Variants in ADGRG2 observed in about 807,000 individuals in gnomAD.
The protein encoded by ADGRG2 is adhesion G protein-coupled receptor G2, also known as G protein-coupled receptor 64.
Under a neutral mutation model 74.1 loss-of-function variants are expected in ADGRG2, and 26 were observed. That is an observed-to-expected ratio of 0.35 (90% CI 0.26 to 0.49). The LOEUF is 0.49. Among genes scored for constraint, ADGRG2 ranks in the 20% least tolerant of loss-of-function variants. ADGRG2 has a pLI of 0.99. For missense variants in ADGRG2, 619 were observed against 763.1 expected (o/e 0.81, Z 2.22); for synonymous variants, 296 against 295.2 (o/e 1.00, Z -0.03).
intron 2 of ADGRG2, among the ~76,000 whole-genome samples, chrX:19,075,030 G>A (rs1569127500): frequency 9.0e-6 from 1 of 110,686 alleles, no homozygotes; most frequent in Non-Finnish European, 1.9e-5. Context: ...TTTCAAATAT[G>A]ACATATGAAA....
chrX:19,022,586 C>T (rs1354165278), intron 13 of ADGRG2, among the ~76,000 whole-genome samples: 1 of 111,789 alleles, frequency 8.9e-6, no homozygotes, highest in Non-Finnish European at 1.9e-5. Context: ...GCCAGGATAG[C>T]CAATGGACAC....
At chrX:19,086,074 C>T (rs1162469824) in intron 1 of ADGRG2, among the ~76,000 whole-genome samples, 1 of 111,681 alleles carries the variant, frequency 9.0e-6, no homozygotes, top group East Asian at 2.8e-4. Flanking sequence ...AAGGCCTCAA[C>T]TTCATTAAAG....
rs58217405 is a variant in ADGRG2, at chrX:19,008,225, A to ATT, written c.1423-104_1423-103dup. ...TGCAAAAGTAATTGCAGTATGTGCC[A>ATT]TTTTTTTTTTAAAAAAAGATAAAAA... On this transcript the variant is annotated intron_variant, in intron 18 of 28. Coordinates refer to ENST00000379869, the MANE Select transcript of ADGRG2 (RefSeq NM_001079858.3). 1,244 of 492,151 alleles carry ATT rather than the reference A, an allele frequency of 2.5e-3. 9 individuals are homozygous for ATT. The highest frequency in any genetic ancestry group is 0.024 in the African/African-American group (910 of 38,697). The allele number at this position is 492,151 out of a possible 1,213,427, so 40.6% of individuals were successfully genotyped here. A position where few individuals can be genotyped will look rare whatever the true frequency, so the allele number is the denominator to read the frequency against.
At chrX:19,118,966 T>G (rs1471309940) in intron 1 of ADGRG2, among the ~76,000 whole-genome samples, 2 of 111,681 alleles carry the variant, frequency 1.8e-5, no homozygotes, top group Non-Finnish European at 3.8e-5. Flanking sequence ...CATAAGTTCT[T>G]TTACAGGACA....
At chrX:18,996,499 C>A (rs962765242) in intron 26 of ADGRG2, among the ~76,000 whole-genome samples, 9 of 110,735 alleles carry the variant, frequency 8.1e-5, no homozygotes, top group African/African-American at 3.0e-4. Flanking sequence ...TGGACTTAGG[C>A]TCCTGCCTCT....
At position 18,994,911 on chromosome X, in the gene ADGRG2, G is replaced by A; in HGVS notation, c.2854C>T (p.His952Tyr). 8.3e-7 allele frequency: 1 copy of A among 1,202,034 alleles called. No homozygotes were observed. The highest frequency in any genetic ancestry group is 2.3e-4 in the Middle Eastern group (1 of 4,307). Residue 952 changes from histidine to tyrosine, a missense_variant, in exon 28 of 29, where the codon CAC (histidine) becomes TAC (tyrosine). By Grantham distance (83) the His-to-Tyr change is moderately conservative. Around this residue, in one of 3 missense-constraint regions of ADGRG2, gnomAD observed 106 missense variants for 104.5 expected, o/e 1.01. Transcript: ENST00000379869. Reference protein sequence around the residue: ...TLLVNNDCSVHASGNGNASTE... With the variant: ...TLLVNNDCSVYASGNGNASTE... ...ACATACATACCATTCCCGCTTGCGT[G>A]TACTGAGCAATCATTATTCACTAGC...
chrX:19,015,602 C>T (rs1200901784), intron 15 of ADGRG2, among the ~76,000 whole-genome samples: 2 of 112,130 alleles, frequency 1.8e-5, no homozygotes, highest in Non-Finnish European at 3.8e-5. Context: ...GCCTATAATC[C>T]CAGCTACTCG....
intron 4 of ADGRG2, among the ~76,000 whole-genome samples, chrX:19,039,103 T>C (rs1569094588): frequency 9.0e-6 from 1 of 111,520 alleles, no homozygotes; most frequent in South Asian, 3.8e-4. Context: ...ACTATTATTC[T>C]CCCTAATTTA....
chrX:19,019,670 G>A lies in ADGRG2; in HGVS notation c.644-5C>T. On this transcript the variant is annotated splice_polypyrimidine_tract_variant and splice_region_variant and intron_variant, in intron 14 of 28. Transcript: ENST00000379869. ...TGACAGAACAGCAGCAGTGTTCTAG[G>A]AGAGACAAAAGGAAAAGGAGTAAGA... 8.9e-7 allele frequency: 1 copy of A among 1,122,820 alleles called. No homozygotes were observed. The highest frequency in any genetic ancestry group is 1.9e-5 in the South Asian group (1 of 53,602). 92.5% of individuals were successfully genotyped at this position (1,122,820 alleles called of 1,213,427 possible).
intron 1 of ADGRG2, among the ~76,000 whole-genome samples, chrX:19,107,159 A>G (rs1161870188): frequency 9.0e-6 from 1 of 111,716 alleles, no homozygotes; most frequent in Non-Finnish European, 1.9e-5. Context: ...GCATCACCTC[A>G]CCTAGGAGCT....
At chrX:19,107,901 C>T (rs1226049716) in intron 1 of ADGRG2, among the ~76,000 whole-genome samples, 1 of 103,711 alleles carries the variant, frequency 9.6e-6, no homozygotes, top group Admixed American at 1.1e-4. Flanking sequence ...GAGATCGAGA[C>T]CATCCTGGCT....
At chrX:19,058,820 A>G (rs1240733592) in intron 3 of ADGRG2, among the ~76,000 whole-genome samples, 1 of 112,546 alleles carries the variant, frequency 8.9e-6, no homozygotes, top group Non-Finnish European at 1.9e-5. Flanking sequence ...GGCAAGATCA[A>G]TGTGTTTCTT....
chrX:19,026,756 A>G (rs931529515), intron 11 of ADGRG2, among the ~76,000 whole-genome samples: 2 of 110,835 alleles, frequency 1.8e-5, no homozygotes, highest in Non-Finnish European at 3.8e-5. Context: ...TCGGCCTCCA[A>G]AAGTGCTGGG....
intron 3 of ADGRG2, among the ~76,000 whole-genome samples, chrX:19,056,597 T>C (rs969370139): frequency 8.0e-5 from 9 of 112,147 alleles, no homozygotes; most frequent in African/African-American, 2.9e-4. Flanking sequence ...TCCTACTTAG[T>C]TGGAAAAATT....
chrX:19,049,692 C>T (rs2061279303), intron 3 of ADGRG2, among the ~76,000 whole-genome samples: 1 of 109,422 alleles, frequency 9.1e-6, no homozygotes, highest in Non-Finnish European at 1.9e-5. Context: ...CAAGACAATT[C>T]TTCTTATTCT....
At chrX:19,114,424 G>C (rs972478815) in intron 1 of ADGRG2, among the ~76,000 whole-genome samples, 2 of 111,570 alleles carry the variant, frequency 1.8e-5, no homozygotes, top group Non-Finnish European at 3.8e-5. Context: ...GGTTTATTAA[G>C]GTCAGGAACA....
chrX:19,023,796 C>T, intron 12 of ADGRG2, 113 bp downstream of exon 12: 3 of 558,157 alleles, frequency 5.4e-6, no homozygotes, highest in East Asian at 3.4e-5. Flanking sequence ...CATTCTCTTA[C>T]ACAACAAATT....
chrX:19,095,444 T>C (rs1271734713), intron 1 of ADGRG2, among the ~76,000 whole-genome samples: 1 of 110,960 alleles, frequency 9.0e-6, no homozygotes, highest in African/African-American at 3.3e-5. Flanking sequence ...AGTTTAAGCT[T>C]GAACTCGATG....
rs959709525 is a variant in ADGRG2 at position 18,999,256 on chromosome X, A to G, written c.2354T>C (p.Val785Ala). Residue 785 changes from valine to alanine, a missense_variant, in exon 26 of 29, where the codon GTA (valine) becomes GCA (alanine). By Grantham distance (64) the Val-to-Ala change is moderately conservative. Around this residue, in one of 3 missense-constraint regions of ADGRG2, gnomAD observed 221 missense variants for 340.6 expected, o/e 0.65. Coordinates refer to ENST00000379869, the MANE Select transcript of ADGRG2 (RefSeq NM_001079858.3). ...DDFCWINNNAVFYITVVGYFC... is the reference protein window; with the variant it reads ...DDFCWINNNAAFYITVVGYFC... Reference sequence around the variant, plus strand: ...ATATCCCACCACCGTAATGTAGAATACTGCATTGTTGTTGATCCAGCAGCT... The same window carrying G: ...ATATCCCACCACCGTAATGTAGAATGCTGCATTGTTGTTGATCCAGCAGCT... The G allele has an allele frequency of 1.3e-5, 16 of 1,199,537 alleles. No homozygotes were observed. The highest frequency in any genetic ancestry group is 1.7e-5 in the Non-Finnish European group (15 of 887,814).
Sources: gnomAD v4.1 joint callset for allele counts (sites outside exome capture counted in the v4.1 genomes callset) on GRCh38, gnomAD v4.1.1 for gene constraint, gnomAD v4.1.1 regional missense constraint, MANE v1.5 for transcripts, NCBI Gene and HGNC (gene_info 2026-07-23, HGNC 2026-07-21) for gene names.